Variants in ADCY10 observed in about 807,000 individuals in gnomAD.
The protein encoded by ADCY10 is adenylate cyclase 10.
In ADCY10, 156 loss-of-function variants were observed where a neutral mutation model predicts 183.3. The ratio of observed to expected loss-of-function variants is 0.85; its 90% CI spans 0.75 to 0.97. ADCY10 has a LOEUF of 0.97. ADCY10 is among the 50% of genes least tolerant of loss of function. The pLI is 0.00. For synonymous variants in ADCY10, 645 were observed against 670.0 expected (o/e 0.96, Z 0.58); for missense variants, 1,745 against 1,934.3 (o/e 0.90, Z 1.84).
chr1:167,850,498 C>T (rs1472952711), intron 18 of ADCY10, among the ~76,000 whole-genome samples: 1 of 151,848 alleles, frequency 6.6e-6, no homozygotes, highest in African/African-American at 2.4e-5. Context: ...CCAATTCTGG[C>T]AAGCTAGCAA....
intron 7 of ADCY10, among the ~76,000 whole-genome samples, chr1:167,895,173 T>A (rs1668875813): frequency 7.3e-6 from 1 of 137,180 alleles, no homozygotes; most frequent in Non-Finnish European, 1.5e-5. Context: ...AGAGTGAGAC[T>A]CCATCTCAAA....
At chr1:167,850,003 A>G (rs1040244833) in intron 18 of ADCY10, among the ~76,000 whole-genome samples, 4 of 152,148 alleles carry the variant, frequency 2.6e-5, no homozygotes, top group African/African-American at 7.2e-5. Context: ...ATTAAACACC[A>G]TAATATGAAG....
rs1662944955 is a variant in ADCY10, at chr1:167,822,062, A to G, written c.4248T>C (p.Ser1416=). 1.9e-6 allele frequency: 3 copies of G among 1,607,236 alleles called. No homozygotes were observed. The highest frequency in any genetic ancestry group is 2.2e-5 in the South Asian group (2 of 90,952). ...YENNRILKFH[S]GLLLGLYSSV... Reference sequence around the variant, plus strand: ...AGGAATAAAGTCCCAGGAGGAGTCCACTGTGGAACTTGAGGATTCTGTTGT... The same window carrying G: ...AGGAATAAAGTCCCAGGAGGAGTCCGCTGTGGAACTTGAGGATTCTGTTGT... The change falls in exon 30 of 33, where the codon AGT becomes AGC. Residue 1416 remains serine (S), a synonymous_variant. Transcript: ENST00000367851.
rs149320191 is a variant in ADCY10 at position 167,905,990 on chromosome 1, AG to A, written c.-58-793del. ...TCAGAGCAATCCAAGTTACTGGAAT[AG>A]GTTATACAGAAAATATAAGAGGATT... is the stretch of plus-strand genomic sequence containing the variant. On this transcript the variant is annotated intron_variant, in intron 1 of 32. Coordinates refer to ENST00000367851, the MANE Select transcript of ADCY10 (RefSeq NM_018417.6). Among the ~76,000 whole-genome samples, 869 of 152,326 alleles carry A rather than the reference AG, an allele frequency of 5.7e-3. 18 individuals are homozygous for A. Among genetic ancestry groups the A allele is most frequent in the East Asian group, 0.039 (200 of 5,182 alleles).
chr1:167,842,058 T>C (rs1664693480), intron 21 of ADCY10, among the ~76,000 whole-genome samples: 1 of 152,116 alleles, frequency 6.6e-6, no homozygotes, highest in Non-Finnish European at 1.5e-5. Context: ...AAATAACAGT[T>C]CTTAAGAAGG....
At chr1:167,855,440 A>G (rs1665821977) in intron 17 of ADCY10, among the ~76,000 whole-genome samples, 1 of 152,250 alleles carries the variant, frequency 6.6e-6, no homozygotes, top group Non-Finnish European at 1.5e-5. Flanking sequence ...TCTGCCATAG[A>G]CAGAGAACAC....
At chr1:167,877,373 G>T (rs368845153) in intron 12 of ADCY10, among the ~76,000 whole-genome samples, 106 of 151,654 alleles carry the variant, frequency 7.0e-4, no homozygotes, top group African/African-American at 2.5e-3. Flanking sequence ...TGTATGCCAA[G>T]CACAGTGCTA....
intron 16 of ADCY10, 75 bp downstream of exon 16, chr1:167,859,732 T>C (rs972091919): frequency 9.0e-7 from 1 of 1,114,240 alleles, no homozygotes; most frequent in African/African-American, 1.5e-5. Context: ...TGGTCTGAAC[T>C]CCTCAAACCA....
chr1:167,891,064 C>T (rs1300580851), intron 8 of ADCY10, among the ~76,000 whole-genome samples: 3 of 152,026 alleles, frequency 2.0e-5, no homozygotes, highest in Non-Finnish European at 2.9e-5. Context: ...TGGGTTCAAG[C>T]GATTCTCCTG....
At chr1:167,912,974 T>G (rs1244539357) in intron 1 of ADCY10, among the ~76,000 whole-genome samples, 1 of 152,244 alleles carries the variant, frequency 6.6e-6, no homozygotes, top group African/African-American at 2.4e-5. Flanking sequence ...TATATCATGC[T>G]ATATCCCATT....
chr1:167,884,164 C>G (rs1668060803), intron 8 of ADCY10, among the ~76,000 whole-genome samples: 1 of 152,124 alleles, frequency 6.6e-6, no homozygotes, highest in Admixed American at 6.5e-5. Flanking sequence ...TCCGTTCTCC[C>G]ACTGTTATAA....
intron 8 of ADCY10, among the ~76,000 whole-genome samples, chr1:167,890,030 G>T (rs1668487498): frequency 1.3e-5 from 2 of 152,140 alleles, no homozygotes; most frequent in Admixed American, 1.3e-4. Flanking sequence ...CTGTCTGAAA[G>T]GTCACATATC....
At chr1:167,877,552 T>C (rs1667557078) in intron 12 of ADCY10, among the ~76,000 whole-genome samples, 1 of 152,102 alleles carries the variant, frequency 6.6e-6, no homozygotes, top group African/African-American at 2.4e-5. Flanking sequence ...ACCTACTGTA[T>C]ACCAAGCACT....
chr1:167,864,778 T>C (rs1666562372), intron 14 of ADCY10, among the ~76,000 whole-genome samples: 2 of 152,068 alleles, frequency 1.3e-5, no homozygotes, highest in South Asian at 4.1e-4. Flanking sequence ...TTGTTGTTAG[T>C]GTAAACAAGG....
In ADCY10 at chr1:167,856,169, C is replaced by T. The variant is rs772391150; in HGVS notation, c.2167G>A (p.Asp723Asn). The T allele has an allele frequency of 5.6e-6, 9 of 1,613,898 alleles. No individual in the cohort carries two copies. The highest frequency in any genetic ancestry group is 7.6e-6 in the Non-Finnish European group (9 of 1,179,850). ...LNVSCISKEL[D>N]SYLGEGSCGI... ...GAATAGAAAGAGGTTACTTACGAGT[C>T]CAGTTCTTTGGAGATGCAGCTCACA... Residue 723 changes from aspartate (D) to asparagine (N), a missense_variant, in exon 17 of 33, where the codon GAC (aspartate) becomes AAC (asparagine). Physicochemically the swap from Asp to Asn is conservative, Grantham distance 23. Transcript: ENST00000367851.
At chr1:167,830,339 C>T (rs1183972029) in intron 25 of ADCY10, among the ~76,000 whole-genome samples, 1 of 148,278 alleles carries the variant, frequency 6.7e-6, no homozygotes, top group Non-Finnish European at 1.5e-5. Context: ...GCAAAATAAA[C>T]TTACAGATTG....
chr1:167,829,314 C>T lies in ADCY10; in HGVS notation c.3703G>A (p.Val1235Ile). 6.2e-7 allele frequency: 1 copy of T among 1,614,142 alleles called. No individual in the cohort carries two copies. Among genetic ancestry groups the T allele is most frequent in the Non-Finnish European group, 8.5e-7 (1 of 1,179,968 alleles). ...AGTGCAGTATTCATTTGCATCATAA[C>T]TGCCAGGTGGGCATAATACTTGCAG... Reference protein sequence around the residue: ...FHCKYYAHLAVMMQMNTALET... With the variant: ...FHCKYYAHLAIMMQMNTALET... The change falls in exon 26 of 33, where the codon GTT (valine) becomes ATT (isoleucine). Residue 1235 changes from valine to isoleucine, a missense_variant. Transcript: ENST00000367851.
At chr1:167,900,582 G>A (rs955448320) in intron 5 of ADCY10, among the ~76,000 whole-genome samples, 11 of 152,034 alleles carry the variant, frequency 7.2e-5, no homozygotes, top group African/African-American at 2.7e-4. Flanking sequence ...GCCCAGGCTG[G>A]AGTGCAATGG....
chr1:167,842,470 T>A (rs1219835948), intron 21 of ADCY10, among the ~76,000 whole-genome samples: 1 of 152,022 alleles, frequency 6.6e-6, no homozygotes, highest in East Asian at 1.9e-4. Context: ...CCCAATTATG[T>A]CCTTGACCAG....
Sources: gnomAD v4.1 joint callset for allele counts (sites outside exome capture counted in the v4.1 genomes callset) on GRCh38, gnomAD v4.1.1 for gene constraint, MANE v1.5 for transcripts, NCBI Gene and HGNC (gene_info 2026-07-23, HGNC 2026-07-21) for gene names.